PSEN1: variants seen among roughly 807,000 people sequenced by gnomAD.
PSEN1 encodes presenilin 1.
In PSEN1, 15 loss-of-function variants were observed where a neutral mutation model predicts 53.5. That is an observed-to-expected ratio of 0.28 (90% CI 0.19 to 0.43). The LOEUF (loss-of-function observed/expected upper bound fraction) is 0.43, where lower values mean the gene tolerates loss of function less well. Ranked by LOEUF, PSEN1 falls within the 20% of genes least tolerant of loss-of-function variation. The pLI, the probability that PSEN1 is intolerant of heterozygous loss-of-function variation, is 1.00. For synonymous variants in PSEN1, 208 were observed against 209.8 expected (o/e 0.99, Z 0.08); for missense variants, 387 against 571.2 (o/e 0.68, Z 3.29).
At position 73,221,000 on chromosome 14, in the gene PSEN1, C is replaced by CA. The variant is rs1900108471; in HGVS notation, c.*1713dup. 6.6e-6 allele frequency: 1 copy of CA among 152,266 alleles called. No homozygotes were observed. Among genetic ancestry groups the CA allele is most frequent in the Non-Finnish European group, 1.5e-5 (1 of 68,124 alleles). The allele number at this position is 152,266 out of a possible 1,614,324, so 9.4% of individuals were successfully genotyped here. A position where few individuals can be genotyped will look rare whatever the true frequency, so the allele number is the denominator to read the frequency against. On this transcript the variant is annotated 3_prime_UTR_variant, in exon 12 of 12. Coordinates refer to ENST00000324501, the MANE Select transcript of PSEN1 (RefSeq NM_000021.4). ...TTCTTTTGCCTGCTGTTTTCTCTCC[C>CA]AATCTATGATATGATATGACCTGGT...
chr14:73,174,095 G>A (rs1420404665), intron 5 of PSEN1: 1 of 263,624 alleles, frequency 3.8e-6, no homozygotes, highest in African/African-American at 2.2e-5. Flanking sequence ...TCAAGATTTA[G>A]TGATAATTTA....
chr14:73,146,239 G>A (rs888759929), intron 1 of PSEN1: 1 of 143,512 alleles, frequency 7.0e-6, no homozygotes, highest in African/African-American at 2.6e-5. Context: ...CCCAGGCTGA[G>A]TACAGTGACG....
intron 3 of PSEN1, among the ~76,000 whole-genome samples, chr14:73,160,713 A>G (rs1897503730): frequency 6.7e-6 from 1 of 150,300 alleles, no homozygotes; most frequent in East Asian, 1.9e-4. Flanking sequence ...GGCTATTTGT[A>G]TATCTTCTTT....
At chr14:73,158,596 A>G (rs1428186313) in intron 3 of PSEN1, among the ~76,000 whole-genome samples, 3 of 152,168 alleles carry the variant, frequency 2.0e-5, no homozygotes, top group Admixed American at 1.3e-4. Context: ...TGTTGGGATT[A>G]CAGGCGTGAG....
At chr14:73,192,439 TCAAAAA>T (rs1026963249) in intron 6 of PSEN1, among the ~76,000 whole-genome samples, 199 bp from the exon 7 acceptor site, 3 of 151,598 alleles carry the variant, frequency 2.0e-5, no homozygotes, top group South Asian at 2.1e-4. Flanking sequence ...AGACCCTGGC[TCAAAAA>T]CAAAAACAAA....
chr14:73,200,085 G>A (rs900644023), intron 8 of PSEN1, among the ~76,000 whole-genome samples: 8 of 152,122 alleles, frequency 5.3e-5, no homozygotes, highest in African/African-American at 1.9e-4. Flanking sequence ...GTGCATACAT[G>A]CATGTGTGTG....
chr14:73,204,992 T>G (rs1039618464), intron 8 of PSEN1, among the ~76,000 whole-genome samples: 34 of 152,366 alleles, frequency 2.2e-4, no homozygotes, highest in African/African-American at 7.5e-4. Context: ...TTCTGTTAAC[T>G]TTTGATCATT....
intron 6 of PSEN1, among the ~76,000 whole-genome samples, chr14:73,190,176 A>G (rs1898663033): frequency 6.6e-6 from 1 of 152,216 alleles, no homozygotes; most frequent in African/African-American, 2.4e-5. Flanking sequence ...GGTAAAAAAG[A>G]TAATATGCAA....
At chr14:73,150,022 T>A (rs1897172621) in intron 3 of PSEN1, among the ~76,000 whole-genome samples, 1 of 152,252 alleles carries the variant, frequency 6.6e-6, no homozygotes, top group Non-Finnish European at 1.5e-5. Context: ...GACAGAATAG[T>A]CAGAGAGCTG....
At position 73,184,394 on chromosome 14, in the gene PSEN1, A is replaced by AC. The variant is rs1369272867; in HGVS notation, c.481-2452dup. On this transcript the variant is annotated intron_variant, in intron 5 of 11. Coordinates refer to ENST00000324501, the MANE Select transcript of PSEN1 (RefSeq NM_000021.4). ...GGGCGGCTGGCCGGGCGGGGGGCTGACCCCCCCACCTCCCTCTCCGACGGG... is the reference window on the plus strand; with the variant it reads ...GGGCGGCTGGCCGGGCGGGGGGCTGACCCCCCCCACCTCCCTCTCCGACGGG... 4.2e-4 allele frequency among the ~76,000 whole-genome samples: 38 copies of AC among 91,492 alleles called. 3 individuals are homozygous for AC. Among genetic ancestry groups the AC allele is most frequent in the African/African-American group, 1.5e-3 (36 of 23,570 alleles). The allele number at this position is 91,492 out of a possible 152,430, so 60.0% of individuals were successfully genotyped here.
At chr14:73,177,529 A>G (rs964404836) in intron 5 of PSEN1, among the ~76,000 whole-genome samples, 3 of 152,176 alleles carry the variant, frequency 2.0e-5, no homozygotes, top group African/African-American at 7.2e-5. Flanking sequence ...CTCTGTCTGA[A>G]CATCTTCCTT....
At chr14:73,170,286 T>C (rs1259788763) in intron 3 of PSEN1, among the ~76,000 whole-genome samples, 1 of 152,132 alleles carries the variant, frequency 6.6e-6, no homozygotes, top group Non-Finnish European at 1.5e-5. Flanking sequence ...TAACTAAGAG[T>C]ACCTAACCTC....
chr14:73,202,829 A>G (rs12435869), intron 8 of PSEN1, among the ~76,000 whole-genome samples: 10,506 of 152,068 alleles, frequency 0.069, 525 homozygotes, highest in South Asian at 0.19. Flanking sequence ...AGCACATAAT[A>G]GTAAAATTGG....
intron 1 of PSEN1, among the ~76,000 whole-genome samples, chr14:73,144,518 G>A (rs1897015787): frequency 6.6e-6 from 1 of 152,118 alleles, no homozygotes; most frequent in African/African-American, 2.4e-5. Flanking sequence ...AATCCTCATT[G>A]CTGTAAACTC....
intron 5 of PSEN1, among the ~76,000 whole-genome samples, chr14:73,175,252 G>C (rs1234556254): frequency 6.6e-6 from 1 of 152,036 alleles, no homozygotes; most frequent in South Asian, 2.1e-4. Flanking sequence ...TCAGCCCCCC[G>C]AGTAGCTGGG....
chr14:73,159,589 A>G (rs61986882), intron 3 of PSEN1, among the ~76,000 whole-genome samples: 8,549 of 152,152 alleles, frequency 0.056, 326 homozygotes, highest in Non-Finnish European at 0.089. Flanking sequence ...AAAAAAGACT[A>G]TTTTCTCCAC....
intron 6 of PSEN1, among the ~76,000 whole-genome samples, chr14:73,188,587 C>G (rs930304285): frequency 2.0e-5 from 3 of 152,130 alleles, no homozygotes; most frequent in Non-Finnish European, 4.4e-5. Flanking sequence ...TTCAAGGCTG[C>G]AGTGAGCTAT....
At chr14:73,197,901 C>T in intron 7 of PSEN1, 130 bp from the exon 8 acceptor site, 101 of 591,498 alleles carry the variant, frequency 1.7e-4, no homozygotes, top group South Asian at 6.0e-4. Flanking sequence ...CATATTCATT[C>T]AACGTCTTTT....
intron 5 of PSEN1, among the ~76,000 whole-genome samples, chr14:73,180,642 T>A (rs1175634036): frequency 6.6e-6 from 1 of 152,230 alleles, no homozygotes; most frequent in African/African-American, 2.4e-5. Flanking sequence ...CTATAACTTA[T>A]TAAAGTCAGA....
Sources: gnomAD v4.1 joint callset for allele counts (sites outside exome capture counted in the v4.1 genomes callset) on GRCh38, gnomAD v4.1.1 for gene constraint, MANE v1.5 for transcripts, NCBI Gene and HGNC (gene_info 2026-07-23, HGNC 2026-07-21) for gene names.